The following GLT8D1 variants were observed in gnomAD, a reference collection of about 807,000 sequenced individuals.
GLT8D1 encodes glycosyltransferase 8 domain-containing protein 1.
Under a neutral mutation model 46.2 loss-of-function variants are expected in GLT8D1, and 41 were observed. That is an observed-to-expected ratio of 0.89 (90% CI 0.69 to 1.15). The LOEUF (loss-of-function observed/expected upper bound fraction) is 1.15, where lower values mean the gene tolerates loss of function less well. GLT8D1 is among the 50% of genes most tolerant of loss of function. The pLI is 0.00. For missense variants in GLT8D1, 408 were observed against 449.3 expected (o/e 0.91, Z 0.83); for synonymous variants, 150 against 154.2 (o/e 0.97, Z 0.20).
Position 52,696,614 on chromosome 3 carries a change from A to G in GLT8D1, c.375T>C (p.Ile125=). The G allele has an allele frequency of 3.7e-6, 6 of 1,610,876 alleles. No homozygotes were observed. Among genetic ancestry groups the G allele is most frequent in the Non-Finnish European group, 4.2e-6 (5 of 1,177,012 alleles). Residue 125 remains isoleucine, a synonymous_variant, in exon 5 of 10, where the codon ATT becomes ATC. Transcript: ENST00000266014. ...CCAAAAGTTTAGGGTCAAAATTGAC[A>G]ATTTTGTATCTGATGCTTTTCAGGG... The part of the protein sequence containing the change: ...SDSLKSIRYK[I]VNFDPKLLEG...
intron 7 of GLT8D1, 100 bp downstream of exon 7, chr3:52,695,828 G>A (rs2097332751): frequency 2.8e-6 from 2 of 725,194 alleles, no homozygotes; most frequent in African/African-American, 1.8e-5. Flanking sequence ...GGGATGAAAT[G>A]ATTGGGGAGT....
rs2097330844 is a variant in GLT8D1 at position 52,694,537 on chromosome 3, T to G, written c.*308A>C. The G allele has an allele frequency of 3.4e-6, 2 of 581,452 alleles. No individual in the cohort carries two copies. The highest frequency in any genetic ancestry group is 2.1e-5 in the South Asian group (1 of 46,648). The allele number at this position is 581,452 out of a possible 1,614,324, so 36.0% of individuals were successfully genotyped here. ...ACAGATCAGGCCACAGGTTACAAAA[T>G]TAAAACCAACAGCAGTTTTGAATTA... On this transcript the variant is annotated 3_prime_UTR_variant, in exon 10 of 10. Coordinates refer to ENST00000266014, the MANE Select transcript of GLT8D1 (RefSeq NM_018446.4).
In GLT8D1 at chr3:52,695,218, G is replaced by T; in HGVS notation, c.897C>A (p.Ile299=). The stretch of plus-strand genomic sequence containing the variant: ...GGTGGCGGACATTCCACATAGGATC[G>T]ATGGTAGAGTGCTGTTGATAAAATA... ...LIVFYQQHST[I]DPMWNVRHLG... Residue 299 remains isoleucine (I), a synonymous_variant, in exon 9 of 10, where the codon ATC becomes ATA. Transcript: ENST00000266014. The T allele has an allele frequency of 6.2e-7, 1 of 1,613,378 alleles. No individual in the cohort carries two copies. Among genetic ancestry groups the T allele is most frequent in the South Asian group, 1.1e-5 (1 of 91,054 alleles).
rs1280553037 is a variant in GLT8D1 at position 52,705,476 on chromosome 3, G to C, written c.-66C>G. ...TGAAGTGATCGGAAAGTGATGTGAC[G>C]CTCCGGGGATCCCACCAGGCTCAGA... On this transcript the variant is annotated 5_prime_UTR_variant, in exon 1 of 10. Coordinates refer to ENST00000266014, the MANE Select transcript of GLT8D1 (RefSeq NM_018446.4). 6.5e-6 allele frequency: 1 copy of C among 152,734 alleles called. No individual in the cohort carries two copies. Among genetic ancestry groups the C allele is most frequent in the Non-Finnish European group, 1.5e-5 (1 of 68,388 alleles). The allele number at this position is 152,734 out of a possible 1,614,324, so 9.5% of individuals were successfully genotyped here.
intron 1 of GLT8D1, among the ~76,000 whole-genome samples, chr3:52,704,458 CAAAAAAAAAAAA>C (rs60851820): frequency 1.9e-5 from 1 of 53,560 alleles, no homozygotes; most frequent in African/African-American, 6.7e-5. Context: ...GTCTTCGCCT[CAAAAAAAAAAAA>C]AAAAAAAAAA....
At chr3:52,697,485 A>G in intron 4 of GLT8D1, 1 of 538,134 alleles carries the variant, frequency 1.9e-6, no homozygotes, top group Non-Finnish European at 3.4e-6. Flanking sequence ...TGGGGTTAAC[A>G]GTTCAGAGTG....
At chr3:52,697,110 T>C (rs968881231) in intron 4 of GLT8D1, among the ~76,000 whole-genome samples, 1 of 152,256 alleles carries the variant, frequency 6.6e-6, no homozygotes, top group East Asian at 1.9e-4. Context: ...TTTAAATGCG[T>C]TCAGAATTTA....
intron 7 of GLT8D1, 23 bp downstream of exon 7, chr3:52,695,905 G>A: frequency 7.8e-7 from 1 of 1,288,926 alleles, no homozygotes; most frequent in Admixed American, 1.7e-5. Flanking sequence ...TGTAGGAAGA[G>A]GGGTGTTTGG....
intron 2 of GLT8D1, 21 bp downstream of exon 2, chr3:52,700,419 CAACTT>C (rs773466399): frequency 4.1e-5 from 66 of 1,594,476 alleles, no homozygotes; most frequent in Non-Finnish European, 5.2e-5. Context: ...GGTATAAAAA[CAACTT>C]AACTTGTAGA....
At chr3:52,695,361 T>C (rs926539064) in intron 8 of GLT8D1, 59 bp from the exon 9 acceptor site, 3 of 1,583,566 alleles carry the variant, frequency 1.9e-6, no homozygotes, top group Admixed American at 1.7e-5. Context: ...CTCCTGTTAG[T>C]CAAGACTCTA....
In GLT8D1 at chr3:52,705,726, C is replaced by T. The variant is rs140327464; in HGVS notation, c.-316G>A. 2,297 of 695,338 alleles carry T rather than the reference C, an allele frequency of 3.3e-3. 35 individuals carry two copies. The African/African-American group carries it at 0.038, about 11-fold the overall frequency. The allele number at this position is 695,338 out of a possible 1,614,324, so 43.1% of individuals were successfully genotyped here. On this transcript the variant is annotated 5_prime_UTR_variant, in exon 1 of 10. Transcript: ENST00000266014. ...GCCCTCTAGCTCCGTGGCAGCCGCG[C>T]AGCCCCACTACGCCCAGCCAGCCCG...
At position 52,696,539 on chromosome 3, in the gene GLT8D1, C is replaced by T. The variant is rs2097333815; in HGVS notation, c.447+3G>A. 6.8e-7 allele frequency: 1 copy of T among 1,463,352 alleles called. No homozygotes were observed. The highest frequency in any genetic ancestry group is 1.4e-5 in the African/African-American group (1 of 72,148). The allele number at this position is 1,463,352 out of a possible 1,614,324, so 90.6% of individuals were successfully genotyped here. A position where few individuals can be genotyped will look rare whatever the true frequency, so the allele number is the denominator to read the frequency against. ...AGTGCAAAGAAGGATGCATGGAACT[C>T]ACAGGTTTCATGGATTCCCCCTGGT... On this transcript the variant is annotated splice_donor_region_variant and intron_variant, in intron 5 of 9. Coordinates refer to ENST00000266014, the MANE Select transcript of GLT8D1 (RefSeq NM_018446.4).
At position 52,695,070 on chromosome 3, in the gene GLT8D1, G is replaced by A. The variant is rs371988395; in HGVS notation, c.926-35C>T. 2.1e-5 allele frequency: 32 copies of A among 1,526,066 alleles called. No individual in the cohort carries two copies. In the African/African-American group the frequency reaches 3.4e-4, roughly 16 times the overall value. The allele number at this position is 1,526,066 out of a possible 1,614,324, so 94.5% of individuals were successfully genotyped here. A position where few individuals can be genotyped will look rare whatever the true frequency, so the allele number is the denominator to read the frequency against. On this transcript the variant is annotated intron_variant, in intron 9 of 9. Transcript: ENST00000266014. ...GAGACAAAAATAGCCACATCGTTGC[G>A]CCATGTGAAATTGTGCAGAAAACTT...
At chr3:52,700,061 TC>T (rs2097337952) in intron 3 of GLT8D1, among the ~76,000 whole-genome samples, 200 bp downstream of exon 3, 1 of 152,338 alleles carries the variant, frequency 6.6e-6, no homozygotes, top group African/African-American at 2.4e-5. Context: ...TGAAGCCCTG[TC>T]CTGCTGACAT....
intron 4 of GLT8D1, among the ~76,000 whole-genome samples, chr3:52,697,071 CTATTTT>C (rs889529595): frequency 2.0e-5 from 3 of 152,140 alleles, no homozygotes; most frequent in South Asian, 2.1e-4. Context: ...TTTCTGTAGT[CTATTTT>C]TATACAGCTT....
chr3:52,700,559 T>A, intron 1 of GLT8D1, 63 bp from the exon 2 acceptor site: 1 of 676,988 alleles, frequency 1.5e-6, no homozygotes, highest in Non-Finnish European at 2.5e-6. Flanking sequence ...CAAAATGCCC[T>A]AACACTTTTT....
chr3:52,695,860 C>T, intron 7 of GLT8D1, 68 bp downstream of exon 7: 1 of 913,460 alleles, frequency 1.1e-6, no homozygotes, highest in Non-Finnish European at 1.8e-6. Flanking sequence ...CAAAAGAGTT[C>T]CCTGAATTTG....
intron 3 of GLT8D1, among the ~76,000 whole-genome samples, chr3:52,698,951 T>G (rs376282293): frequency 5.8e-4 from 88 of 152,194 alleles, no homozygotes; most frequent in African/African-American, 2.0e-3. Context: ...TTTCCTATTG[T>G]AGGGCTGCCA....
At chr3:52,703,888 A>G (rs1051868296) in intron 1 of GLT8D1, 4 of 152,228 alleles carry the variant, frequency 2.6e-5, no homozygotes, top group Non-Finnish European at 5.9e-5. Flanking sequence ...TGATCTGGTT[A>G]GAAGGAATTC....
Sources: gnomAD v4.1 joint callset for allele counts (sites outside exome capture counted in the v4.1 genomes callset) on GRCh38, gnomAD v4.1.1 for gene constraint, MANE v1.5 for transcripts, NCBI Gene and HGNC (gene_info 2026-07-23, HGNC 2026-07-21) for gene names.